The following SLC15A4 variants were observed in gnomAD, a reference collection of about 807,000 sequenced individuals.
SLC15A4 encodes the protein hPHT1.
Under a neutral mutation model 46.1 loss-of-function variants are expected in SLC15A4, and 26 were observed. The ratio of observed to expected loss-of-function variants is 0.56; its 90% CI spans 0.41 to 0.78. SLC15A4 has a LOEUF of 0.78. Ranked by LOEUF, SLC15A4 falls within the 30% of genes least tolerant of loss-of-function variation. The pLI, the probability that SLC15A4 is intolerant of heterozygous loss-of-function variation, is 0.00. For synonymous variants in SLC15A4, 370 were observed against 333.4 expected, an observed-to-expected ratio of 1.11 and a Z score of -1.20; for missense variants, 751 against 755.7, an observed-to-expected ratio of 0.99 and a Z score of 0.07.
chr12:128,814,881 C>T lies in SLC15A4; in HGVS notation c.736G>A (p.Val246Ile), dbSNP rs754716226. ...CCATCAGGAGGCTTGGTGATGAAAA[C>T]GCTCTGGCCACAGAGGAAGACCACA... ...AFVVFLCGQS[V>I]FITKPPDGSA... The change falls in exon 2 of 8, where the codon GTT becomes ATT. Residue 246 changes from valine to isoleucine, a missense_variant. Coordinates refer to ENST00000266771, the MANE Select transcript of SLC15A4 (RefSeq NM_145648.4). The T allele has an allele frequency of 8.1e-6, 13 of 1,613,996 alleles. No individual in the cohort carries two copies. Among genetic ancestry groups the T allele is most frequent in the African/African-American group, 1.3e-5 (1 of 74,898 alleles).
At chr12:128,809,888 A>C (rs1955635170) in intron 3 of SLC15A4, 55 bp downstream of exon 3, 2 of 1,544,046 alleles carry the variant, frequency 1.3e-6, no homozygotes, top group Middle Eastern at 1.7e-4. Flanking sequence ...AACAAGTGCT[A>C]GGGTAAGACT....
intron 4 of SLC15A4, 60 bp downstream of exon 4, chr12:128,809,336 G>C: frequency 9.5e-7 from 1 of 1,048,086 alleles, no homozygotes; most frequent in Admixed American, 2.3e-5. Context: ...TTGGTAGAAG[G>C]AATCCATTTA....
chr12:128,819,869 G>C (rs1230153345), intron 1 of SLC15A4: 4 of 152,234 alleles, frequency 2.6e-5, no homozygotes, highest in Non-Finnish European at 5.9e-5. Context: ...TTACTCGCCT[G>C]TTATATCCTG....
At position 128,793,945 on chromosome 12, in the gene SLC15A4, T is replaced by C. The variant is rs1955414894; in HGVS notation, c.*251A>G. The C allele has an allele frequency of 5.6e-6, 2 of 355,776 alleles. No homozygotes were observed. Among genetic ancestry groups the C allele is most frequent in the Non-Finnish European group, 5.1e-6 (1 of 197,284 alleles). 22.0% of individuals were successfully genotyped at this position (355,776 alleles called of 1,614,324 possible). On this transcript the variant is annotated 3_prime_UTR_variant, in exon 8 of 8. Transcript: ENST00000266771. Reference sequence around the variant, plus strand: ...CCCAGCTAGAGGATTCACAGAGACCTTGAATGACAAGCGACATACTCGAAA... The same window carrying C: ...CCCAGCTAGAGGATTCACAGAGACCCTGAATGACAAGCGACATACTCGAAA...
chr12:128,812,114 G>A (rs1373899668), intron 2 of SLC15A4, among the ~76,000 whole-genome samples: 1 of 152,186 alleles, frequency 6.6e-6, no homozygotes, highest in Non-Finnish European at 1.5e-5. Flanking sequence ...ATCTCAAAAA[G>A]CTGTAGAACC....
At chr12:128,803,123 GATAA>G (rs34631091) in intron 5 of SLC15A4, among the ~76,000 whole-genome samples, 79,325 of 151,534 alleles carry the variant, frequency 0.52, 21,660 homozygotes, top group Non-Finnish European at 0.61. Context: ...CAGCAGTCAG[GATAA>G]ATGAGCCAAA....
rs1009669821 is a variant in SLC15A4 at position 128,808,966 on chromosome 12, A to G, written c.1090-10T>C. On this transcript the variant is annotated splice_polypyrimidine_tract_variant and intron_variant, in intron 4 of 7. Transcript: ENST00000266771. ...GCCAGGCTGCAGGGAGCTGGGGTGA[A>G]ACACAGGAGGAGGCGTTTACTCCCC... 1.2e-6 allele frequency: 2 copies of G among 1,610,566 alleles called. No individual in the cohort carries two copies. Among genetic ancestry groups the G allele is most frequent in the African/African-American group, 2.7e-5 (2 of 74,998 alleles).
At position 128,823,675 on chromosome 12, in the gene SLC15A4, G is replaced by C. The variant is rs1426585850; in HGVS notation, c.269C>G (p.Pro90Arg). Reference protein sequence around the residue: ...LFMGLTYLGSPFGGWLADARL... With the variant: ...LFMGLTYLGSRFGGWLADARL... ...CGCGTCGGCCAGCCAGCCTCCGAAC[G>C]GCGAGCCCAGGTAGGTGAGGCCCAT... The change falls in exon 1 of 8, where the codon CCG becomes CGG. Residue 90 changes from proline to arginine, a missense_variant. By Grantham distance (103) the Pro-to-Arg change is moderately radical (BLOSUM62 -2). Transcript: ENST00000266771. 25 of 1,501,750 alleles carry C rather than the reference G, an allele frequency of 1.7e-5. No individual in the cohort carries two copies. The highest frequency in any genetic ancestry group is 2.1e-5 in the Non-Finnish European group (24 of 1,131,754). 93.0% of individuals were successfully genotyped at this position (1,501,750 alleles called of 1,614,324 possible). A position where few individuals can be genotyped will look rare whatever the true frequency, so the allele number is the denominator to read the frequency against.
At chr12:128,802,814 G>C (rs1259984214) in intron 5 of SLC15A4, among the ~76,000 whole-genome samples, 1 of 152,190 alleles carries the variant, frequency 6.6e-6, no homozygotes, top group Non-Finnish European at 1.5e-5. Context: ...TAGGAGAAGA[G>C]AAAATGAGAA....
chr12:128,793,984 TC>T lies in SLC15A4; in HGVS notation c.*211del, dbSNP rs544119692. 1.1e-4 allele frequency: 46 copies of T among 413,346 alleles called. No individual in the cohort carries two copies. The South Asian group carries it at 3.5e-3, about 32-fold the overall frequency. The allele number at this position is 413,346 out of a possible 1,614,324, so 25.6% of individuals were successfully genotyped here. On this transcript the variant is annotated 3_prime_UTR_variant, in exon 8 of 8. Transcript: ENST00000266771. ...ACATACTCGAAATCTGCAGCTCTCC[TC>T]CCGGAGGGCCCAGCGTGCCAGGAGA...
At chr12:128,808,248 A>C (rs1955612310) in intron 5 of SLC15A4, among the ~76,000 whole-genome samples, 1 of 152,202 alleles carries the variant, frequency 6.6e-6, no homozygotes, top group South Asian at 2.1e-4. Context: ...TTAGAGACTT[A>C]GGCATTTGTT....
chr12:128,802,982 T>C (rs1437219095), intron 5 of SLC15A4, among the ~76,000 whole-genome samples: 1 of 152,132 alleles, frequency 6.6e-6, no homozygotes. Flanking sequence ...TGACCCTGCC[T>C]GTGAACAACT....
chr12:128,816,396 T>C (rs972787500), intron 1 of SLC15A4, among the ~76,000 whole-genome samples: 4 of 152,266 alleles, frequency 2.6e-5, no homozygotes, highest in African/African-American at 9.6e-5. Flanking sequence ...ACTCTCTTGC[T>C]GTCTTAAAAA....
intron 5 of SLC15A4, among the ~76,000 whole-genome samples, chr12:128,808,376 C>T (rs1304649528): frequency 2.0e-5 from 3 of 152,170 alleles, no homozygotes; most frequent in Non-Finnish European, 4.4e-5. Flanking sequence ...TCAAAGGACT[C>T]GCAGGCACCC....
At chr12:128,796,353 G>A (rs1472107306) in intron 7 of SLC15A4, among the ~76,000 whole-genome samples, 3 of 146,722 alleles carry the variant, frequency 2.0e-5, no homozygotes, top group Non-Finnish European at 4.5e-5. Context: ...ACTTGAACCC[G>A]GGAGGTGAAA....
At chr12:128,794,411 TC>T (rs1411469615) in intron 7 of SLC15A4, 55 bp from the exon 8 acceptor site, 2 of 1,530,174 alleles carry the variant, frequency 1.3e-6, no homozygotes, top group East Asian at 4.5e-5. Flanking sequence ...AGGTATTTTT[TC>T]AAGACTTTAC....
intron 2 of SLC15A4, among the ~76,000 whole-genome samples, chr12:128,811,054 C>T (rs935075430): frequency 1.3e-5 from 2 of 152,230 alleles, no homozygotes; most frequent in Non-Finnish European, 2.9e-5. Flanking sequence ...CTTCCTTGCT[C>T]TGGGCCTGCT....
At position 128,823,608 on chromosome 12, in the gene SLC15A4, G is replaced by A. The variant is rs1187466639; in HGVS notation, c.336C>T (p.Leu112=). The A allele has an allele frequency of 6.8e-6, 10 of 1,462,376 alleles. No individual in the cohort carries two copies. The highest frequency in any genetic ancestry group is 2.9e-5 in the African/African-American group (2 of 67,820). The allele number at this position is 1,462,376 out of a possible 1,614,324, so 90.6% of individuals were successfully genotyped here. A position where few individuals can be genotyped will look rare whatever the true frequency, so the allele number is the denominator to read the frequency against. The change falls in exon 1 of 8, where the codon CTC becomes CTT. Residue 112 remains leucine (L), a synonymous_variant. Coordinates refer to ENST00000266771, the MANE Select transcript of SLC15A4 (RefSeq NM_145648.4). ...GGAAGGCCAGCATGCCCAGCAGGTAGAGCGCCAGGCTCAGCAGGATGGCGC... is the reference window on the plus strand; with the variant it reads ...GGAAGGCCAGCATGCCCAGCAGGTAAAGCGCCAGGCTCAGCAGGATGGCGC... The part of the protein sequence containing the change: ...RARAILLSLA[L]YLLGMLAFPL...
rs1955410408 is a variant in SLC15A4, at chr12:128,793,689, T to C, written c.*507A>G. On this transcript the variant is annotated 3_prime_UTR_variant, in exon 8 of 8. Coordinates refer to ENST00000266771, the MANE Select transcript of SLC15A4 (RefSeq NM_145648.4). ...GTTCTCAGGAAGGAAACCATAAATA[T>C]GGCATTTATGTAAAATCCTTGCAGC... The C allele has an allele frequency of 6.6e-6, 1 of 151,822 alleles. No individual in the cohort carries two copies. Among genetic ancestry groups the C allele is most frequent in the Non-Finnish European group, 1.5e-5 (1 of 68,024 alleles). 9.4% of individuals were successfully genotyped at this position (151,822 alleles called of 1,614,324 possible).
Sources: allele counts gnomAD v4.1 joint callset (sites outside exome capture counted in the v4.1 genomes callset), GRCh38; gene constraint gnomAD v4.1.1; transcripts MANE v1.5; gene names NCBI Gene and HGNC (gene_info 2026-07-23, HGNC 2026-07-21).